The following RPL27 variants were observed in gnomAD, a reference collection of about 807,000 sequenced individuals.
The protein encoded by RPL27 is large ribosomal subunit protein eL27.
For missense variants in RPL27, 131 were observed against 174.3 expected (o/e 0.75, Z 1.40); for synonymous variants, 77 against 61.0 (o/e 1.26, Z -1.22).
rs373965153 is a variant in RPL27, at chr17:42,999,964, A to G, written c.113A>G (p.Tyr38Cys). 8.1e-6 allele frequency: 13 copies of G among 1,612,036 alleles called. No homozygotes were observed. Among genetic ancestry groups the G allele is most frequent in the African/African-American group, 1.3e-5 (1 of 74,866 alleles). Residue 38 changes from tyrosine to cysteine, a missense_variant, in exon 3 of 5, where the codon TAC becomes TGC. Tyr to Cys is a radical substitution (Grantham distance 194). Transcript: ENST00000253788. ...GATGATGGCACCTCAGATCGCCCCT[A>G]CAGCCATGCTCTGGTGGCTGGAATT... ...NIDDGTSDRP[Y>C]SHALVAGIDR...
At chr17:42,999,828 C>A in intron 2 of RPL27, 105 bp from the exon 3 acceptor site, 1 of 816,558 alleles carries the variant, frequency 1.2e-6, no homozygotes. Flanking sequence ...AATGGTGGAT[C>A]TTGGAGACCT....
At chr17:43,001,229 G>A (rs1189323992) in intron 3 of RPL27, among the ~76,000 whole-genome samples, 2 of 152,072 alleles carry the variant, frequency 1.3e-5, no homozygotes, top group East Asian at 1.9e-4. Context: ...AAAGAGGTGC[G>A]AGAATTGAGA....
intron 2 of RPL27, chr17:42,999,697 T>C (rs908252573): frequency 2.0e-5 from 10 of 502,364 alleles, no homozygotes; most frequent in African/African-American, 1.5e-4. Flanking sequence ...AAATGTTAAC[T>C]GTTGCTACTT....
intron 2 of RPL27, 96 bp from the exon 3 acceptor site, chr17:42,999,837 C>G (rs942839643): frequency 4.1e-5 from 38 of 926,504 alleles, no homozygotes; most frequent in Non-Finnish European, 5.7e-5. Flanking sequence ...TCTTGGAGAC[C>G]TGAGGGTGGA....
At position 42,999,948 on chromosome 17, in the gene RPL27, A is replaced by T; in HGVS notation, c.97A>T (p.Thr33Ser). 6.2e-7 allele frequency: 1 copy of T among 1,611,854 alleles called. No homozygotes were observed. Residue 33 changes from threonine (T) to serine (S), a missense_variant, in exon 3 of 5, where the codon ACC (threonine) becomes TCC (serine). Coordinates refer to ENST00000253788, the MANE Select transcript of RPL27 (RefSeq NM_000988.5). Reference sequence around the variant, plus strand: ...ACTCATTTAGAACATTGATGATGGCACCTCAGATCGCCCCTACAGCCATGC... The same window carrying T: ...ACTCATTTAGAACATTGATGATGGCTCCTCAGATCGCCCCTACAGCCATGC... ...AVIVKNIDDG[T>S]SDRPYSHALV...
At chr17:42,999,701 G>T (rs554701026) in intron 2 of RPL27, 73 of 509,066 alleles carry the variant, frequency 1.4e-4, no homozygotes, top group African/African-American at 1.2e-3. Flanking sequence ...GTTAACTGTT[G>T]CTACTTTTAA....
chr17:42,998,845 G>A lies in RPL27; in HGVS notation c.81+14G>A, dbSNP rs2050327980. Reference sequence around the variant, plus strand: ...GTCATCGTGAAGGTATCAGCCTCGCGGGACTCTGCGTCCTTGCATGCCGGG... The same window carrying A: ...GTCATCGTGAAGGTATCAGCCTCGCAGGACTCTGCGTCCTTGCATGCCGGG... On this transcript the variant is annotated intron_variant, in intron 2 of 4. Transcript: ENST00000253788. The A allele has an allele frequency of 6.2e-7, 1 of 1,610,458 alleles. No homozygotes were observed. Among genetic ancestry groups the A allele is most frequent in the East Asian group, 2.2e-5 (1 of 44,784 alleles).
Position 42,999,925 on chromosome 17 carries a change from T to G in RPL27, c.82-8T>G, listed in dbSNP as rs192553710. ...AGTGAATAACAAATGTAATTCTTAC[T>G]CATTTAGAACATTGATGATGGCACC... On this transcript the variant is annotated splice_polypyrimidine_tract_variant and splice_region_variant and intron_variant, in intron 2 of 4. Transcript: ENST00000253788. 1 of 1,608,094 alleles carries G rather than the reference T, an allele frequency of 6.2e-7. No individual in the cohort carries two copies. Among genetic ancestry groups the G allele is most frequent in the African/African-American group, 1.3e-5 (1 of 74,890 alleles).
intron 2 of RPL27, chr17:42,999,284 G>A (rs1368858508): frequency 1.9e-5 from 3 of 158,184 alleles, no homozygotes; most frequent in Non-Finnish European, 4.2e-5. Flanking sequence ...CGAGTGGCTG[G>A]GACTACAGGT....
intron 3 of RPL27, 33 bp from the exon 4 acceptor site, chr17:43,002,640 G>A: frequency 7.2e-7 from 1 of 1,382,092 alleles, no homozygotes. Flanking sequence ...GGCAGTATGT[G>A]GGCTAATCCT....
rs544770646 is a variant in RPL27, at chr17:43,002,691, C to T, written c.270C>T (p.Pro90=). Residue 90 remains proline, a synonymous_variant, in exon 4 of 5, where the codon CCC becomes CCT. Transcript: ENST00000253788. ...LMPTRYSVDI[P]LDKTVVNKDV... ...TCCCCAGGTACTCTGTGGATATCCC[C>T]TTGGACAAAACTGTCGTCAATAAGG... is the stretch of plus-strand genomic sequence containing the variant. The T allele has an allele frequency of 8.7e-6, 14 of 1,612,348 alleles. No homozygotes were observed. Among genetic ancestry groups the T allele is most frequent in the South Asian group, 1.1e-5 (1 of 91,038 alleles).
intron 3 of RPL27, among the ~76,000 whole-genome samples, chr17:43,002,015 A>C (rs1292357988): frequency 2.0e-5 from 3 of 150,032 alleles, no homozygotes; most frequent in African/African-American, 7.4e-5. Flanking sequence ...AAGGGCGTGA[A>C]CCTAGGAGGC....
intron 3 of RPL27, 96 bp from the exon 4 acceptor site, chr17:43,002,577 T>G: frequency 2.8e-6 from 2 of 722,392 alleles, no homozygotes; most frequent in Non-Finnish European, 5.1e-6. Context: ...TTCTAAGGAG[T>G]CAGACCCTGA....
At chr17:43,002,302 A>C (rs972403586) in intron 3 of RPL27, among the ~76,000 whole-genome samples, 1 of 151,034 alleles carries the variant, frequency 6.6e-6, no homozygotes, top group Non-Finnish European at 1.5e-5. Context: ...TCAGGAGATC[A>C]AGACCGTCCT....
intron 2 of RPL27, 39 bp downstream of exon 2, chr17:42,998,870 GACC>G: frequency 2.6e-6 from 4 of 1,564,960 alleles, no homozygotes; most frequent in Non-Finnish European, 3.5e-6. Context: ...TGCATGCCGG[GACC>G]AGGCTGGCTG....
chr17:43,002,376 G>A (rs889575928), intron 3 of RPL27, among the ~76,000 whole-genome samples: 2 of 150,664 alleles, frequency 1.3e-5, no homozygotes, highest in Non-Finnish European at 3.0e-5. Context: ...GCCTGATGGC[G>A]GGCACCTGTA....
At chr17:43,000,941 T>A in intron 3 of RPL27, among the ~76,000 whole-genome samples, 1 of 151,690 alleles carries the variant, frequency 6.6e-6, no homozygotes, top group East Asian at 2.0e-4. Flanking sequence ...CCCAGCTATT[T>A]GGGAGGCTGA....
intron 2 of RPL27, chr17:42,999,220 G>A (rs529889631): frequency 1.1e-5 from 2 of 185,918 alleles, no homozygotes; most frequent in Non-Finnish European, 2.3e-5. Context: ...GCAGTGGCGT[G>A]ATCACTGCAG....
chr17:43,002,800 A>T lies in RPL27; in HGVS notation c.362+17A>T, dbSNP rs11871636. On this transcript the variant is annotated intron_variant, in intron 4 of 4. Coordinates refer to ENST00000253788, the MANE Select transcript of RPL27 (RefSeq NM_000988.5). The stretch of plus-strand genomic sequence containing the variant: ...TGAAGAGAGGTAAGTAGGCTTTGGT[A>T]GTGAATGGTGGAGTATGGTTTCACT... 12 of 1,606,298 alleles carry T rather than the reference A, an allele frequency of 7.5e-6. No homozygotes were observed. Among genetic ancestry groups the T allele is most frequent in the South Asian group, 1.1e-5 (1 of 90,922 alleles).
Sources: gnomAD v4.1 joint callset for allele counts (sites outside exome capture counted in the v4.1 genomes callset) on GRCh38, gnomAD v4.1.1 for gene constraint, MANE v1.5 for transcripts, NCBI Gene and HGNC (gene_info 2026-07-23, HGNC 2026-07-21) for gene names.